Variants in ADAMTS18 observed in about 807,000 individuals in gnomAD.
ADAMTS18 encodes the protein A disintegrin and metalloproteinase with thrombospondin motifs 18.
Under a neutral mutation model 165.9 loss-of-function variants are expected in ADAMTS18, and 157 were observed. The ratio of observed to expected loss-of-function variants is 0.95; its 90% CI spans 0.83 to 1.08. The LOEUF is 1.08. ADAMTS18 is among the 50% of genes least tolerant of loss of function. The pLI is 0.00. For missense variants in ADAMTS18, 2,040 were observed against 1,534.0 expected, an observed-to-expected ratio of 1.33 and a Z score of -5.51; for synonymous variants, 782 against 578.2, an observed-to-expected ratio of 1.35 and a Z score of -5.06.
At chr16:77,378,191 T>C (rs2056979440) in intron 3 of ADAMTS18, among the ~76,000 whole-genome samples, 2 of 151,930 alleles carry the variant, frequency 1.3e-5, no homozygotes, top group African/African-American at 2.4e-5. Context: ...GTGTGTGTGG[T>C]GGCATGTGGT....
chr16:77,311,943 C>G (rs975744932), intron 16 of ADAMTS18, among the ~76,000 whole-genome samples: 1 of 152,080 alleles, frequency 6.6e-6, no homozygotes, highest in East Asian at 1.9e-4. Context: ...GGTGAAACGA[C>G]AATTTTGTAT....
chr16:77,367,369 C>A lies in ADAMTS18; in HGVS notation c.778+72G>T, dbSNP rs964339157. 7 of 1,585,214 alleles carry A rather than the reference C, an allele frequency of 4.4e-6. No individual in the cohort carries two copies. In the African/African-American group the frequency reaches 9.4e-5, roughly 21 times the overall value. On this transcript the variant is annotated intron_variant, in intron 4 of 22. Transcript: ENST00000282849. ...CCCATTTTGACTTGCAAAGCTTGTA[C>A]ACCCAACAGCACTCAGGAAAACCTG...
chr16:77,284,942 G>C (rs17769663), intron 22 of ADAMTS18, among the ~76,000 whole-genome samples: 15,633 of 151,234 alleles, frequency 0.1, 1,124 homozygotes, highest in Admixed American at 0.22. Flanking sequence ...TGAAAAAGCC[G>C]GGTCTCCAAC....
At chr16:77,432,720 G>C (rs984604946) in intron 2 of ADAMTS18, among the ~76,000 whole-genome samples, 9 of 151,288 alleles carry the variant, frequency 5.9e-5, no homozygotes, top group African/African-American at 1.9e-4. Flanking sequence ...GGAAAAGGAA[G>C]AGAAATTTCT....
intron 3 of ADAMTS18, chr16:77,378,970 G>C (rs919698429): frequency 3.3e-5 from 5 of 152,106 alleles, no homozygotes; most frequent in African/African-American, 1.2e-4. Context: ...ACTAAGCAAG[G>C]TTTGAAGACC....
intron 12 of ADAMTS18, among the ~76,000 whole-genome samples, chr16:77,334,158 ACAGT>A (rs1388333592): frequency 3.2e-5 from 3 of 93,606 alleles, no homozygotes; most frequent in Non-Finnish European, 5.8e-5. Flanking sequence ...TATATAATAT[ACAGT>A]GTTATATATT....
chr16:77,349,738 A>G (rs2056528879), intron 10 of ADAMTS18, among the ~76,000 whole-genome samples: 1 of 152,124 alleles, frequency 6.6e-6, no homozygotes, highest in East Asian at 1.9e-4. Context: ...CATATCCTAA[A>G]ATGCTTGAGA....
intron 2 of ADAMTS18, among the ~76,000 whole-genome samples, chr16:77,433,846 G>A (rs2057766196): frequency 6.6e-6 from 1 of 152,116 alleles, no homozygotes; most frequent in African/African-American, 2.4e-5. Flanking sequence ...GGAAGTTTGT[G>A]GCTGGCGAAC....
intron 12 of ADAMTS18, among the ~76,000 whole-genome samples, 176 bp downstream of exon 12, chr16:77,335,580 C>T (rs532672529): frequency 1.3e-5 from 2 of 151,834 alleles, no homozygotes; most frequent in Admixed American, 6.6e-5. Flanking sequence ...TTTGATCATT[C>T]CACATTGTAT....
chr16:77,392,817 A>G (rs2057206731), intron 3 of ADAMTS18, among the ~76,000 whole-genome samples: 1 of 152,202 alleles, frequency 6.6e-6, no homozygotes, highest in Admixed American at 6.5e-5. Context: ...CTGACACTAC[A>G]GGAATGTCTT....
At position 77,319,892 on chromosome 16, in the gene ADAMTS18, C is replaced by G. The variant is rs1035878515; in HGVS notation, c.2489G>C (p.Arg830Pro). The G allele has an allele frequency of 3.1e-6, 5 of 1,614,100 alleles. No individual in the cohort carries two copies. The highest frequency in any genetic ancestry group is 3.4e-6 in the Non-Finnish European group (4 of 1,179,958). The change falls in exon 16 of 23, where the codon CGT becomes CCT. Residue 830 changes from arginine to proline, a missense_variant. Coordinates refer to ENST00000282849, the MANE Select transcript of ADAMTS18 (RefSeq NM_199355.4). ...EYQRSFNRPE[R>P]LYAPGPTNET... Reference sequence around the variant, plus strand: ...ATTTGTGGGCCCTGGCGCGTACAGACGTTCCGGGCGGTTGAAAGAGCGCTG... The same window carrying G: ...ATTTGTGGGCCCTGGCGCGTACAGAGGTTCCGGGCGGTTGAAAGAGCGCTG...
At chr16:77,345,463 C>G (rs555614795) in intron 10 of ADAMTS18, among the ~76,000 whole-genome samples, 7 of 152,306 alleles carry the variant, frequency 4.6e-5, no homozygotes, top group Non-Finnish European at 8.8e-5. Flanking sequence ...TTTCCAGAAT[C>G]TGAACAATTA....
chr16:77,328,580 TAAATC>T (rs1462083194), intron 12 of ADAMTS18, among the ~76,000 whole-genome samples: 3 of 152,188 alleles, frequency 2.0e-5, no homozygotes, highest in Non-Finnish European at 4.4e-5. Flanking sequence ...GCCATTGTGA[TAAATC>T]AAATCCCTGA....
intron 2 of ADAMTS18, among the ~76,000 whole-genome samples, chr16:77,432,773 A>AAT (rs936444502): frequency 1.3e-5 from 2 of 151,804 alleles, no homozygotes; most frequent in Non-Finnish European, 2.9e-5. Flanking sequence ...CCTCCAATAA[A>AAT]AAAAAAAAAA....
In ADAMTS18 at chr16:77,341,816, G is replaced by C; in HGVS notation, c.1615-17C>G. Reference sequence around the variant, plus strand: ...GCAAATATCCTGAAATAAAAAAAAAGGGGGGTGCTGTTAATGGTGATATAC... The same window carrying C: ...GCAAATATCCTGAAATAAAAAAAAACGGGGGTGCTGTTAATGGTGATATAC... On this transcript the variant is annotated splice_polypyrimidine_tract_variant and intron_variant, in intron 10 of 22. Coordinates refer to ENST00000282849, the MANE Select transcript of ADAMTS18 (RefSeq NM_199355.4). 1 of 1,561,244 alleles carries C rather than the reference G, an allele frequency of 6.4e-7. No individual in the cohort carries two copies. The highest frequency in any genetic ancestry group is 8.8e-7 in the Non-Finnish European group (1 of 1,136,216).
intron 11 of ADAMTS18, among the ~76,000 whole-genome samples, chr16:77,340,382 C>G (rs958992407): frequency 6.6e-6 from 1 of 152,064 alleles, no homozygotes; most frequent in African/African-American, 2.4e-5. Flanking sequence ...ACCACGTTGG[C>G]CAGGCTAGTC....
chr16:77,418,240 T>C (rs928567233), intron 3 of ADAMTS18, among the ~76,000 whole-genome samples: 8 of 152,132 alleles, frequency 5.3e-5, no homozygotes, highest in Non-Finnish European at 1.0e-4. Flanking sequence ...CAAACATAGA[T>C]TACCTGAAAT....
chr16:77,377,181 A>G (rs189847721), intron 3 of ADAMTS18, among the ~76,000 whole-genome samples: 1 of 152,216 alleles, frequency 6.6e-6, no homozygotes, highest in Non-Finnish European at 1.5e-5. Context: ...AATTTTCCCT[A>G]AAGTTTCCTT....
At chr16:77,360,154 A>G (rs992384350) in intron 7 of ADAMTS18, among the ~76,000 whole-genome samples, 3 of 152,192 alleles carry the variant, frequency 2.0e-5, no homozygotes, top group African/African-American at 7.2e-5. Context: ...GATTGTACCC[A>G]CTTCATTGTC....
Sources: gnomAD v4.1 joint callset for allele counts (sites outside exome capture counted in the v4.1 genomes callset) on GRCh38, gnomAD v4.1.1 for gene constraint, MANE v1.5 for transcripts, NCBI Gene and HGNC (gene_info 2026-07-23, HGNC 2026-07-21) for gene names.